Variants in CAMK2D observed in about 807,000 individuals in gnomAD.
CAMK2D encodes calcium/calmodulin dependent protein kinase II delta.
CAMK2D carries 37 observed loss-of-function variants against 84.0 expected under a neutral mutation model. The ratio of observed to expected loss-of-function variants is 0.44; its 90% CI spans 0.34 to 0.58. The LOEUF (loss-of-function observed/expected upper bound fraction) is 0.58, where lower values mean the gene tolerates loss of function less well. Ranked by LOEUF, CAMK2D falls within the 20% of genes least tolerant of loss-of-function variation. CAMK2D has a pLI of 0.02. For synonymous variants in CAMK2D, 202 were observed against 212.5 expected, an observed-to-expected ratio of 0.95 and a Z score of 0.43; for missense variants, 448 against 652.5, an observed-to-expected ratio of 0.69 and a Z score of 3.41.
At chr4:113,577,301 A>G (rs1448493756) in intron 4 of CAMK2D, among the ~76,000 whole-genome samples, 2 of 151,800 alleles carry the variant, frequency 1.3e-5, no homozygotes, top group Middle Eastern at 6.8e-3. Context: ...CTTTCGATAT[A>G]CAGATTCAAT....
intron 5 of CAMK2D, among the ~76,000 whole-genome samples, chr4:113,549,449 T>C (rs1196322669): frequency 6.6e-6 from 1 of 152,202 alleles, no homozygotes; most frequent in Non-Finnish European, 1.5e-5. Context: ...CCCACTTCCA[T>C]ACACTTCAGT....
chr4:113,630,790 G>A (rs1468249), intron 3 of CAMK2D, among the ~76,000 whole-genome samples: 1,550 of 152,216 alleles, frequency 0.01, 40 homozygotes, highest in African/African-American at 0.036. Context: ...TCTGTTAGAT[G>A]GGACAAGTCT....
chr4:113,660,325 T>C (rs1223376447), intron 3 of CAMK2D, among the ~76,000 whole-genome samples: 1 of 152,246 alleles, frequency 6.6e-6, no homozygotes, highest in Non-Finnish European at 1.5e-5. Context: ...AGTCATGCAA[T>C]TTTATAATTC....
chr4:113,589,103 G>A (rs1307613890), intron 4 of CAMK2D, among the ~76,000 whole-genome samples: 1 of 152,278 alleles, frequency 6.6e-6, no homozygotes, highest in African/African-American at 2.4e-5. Context: ...CCCAGGCTGT[G>A]AGGTAGGCAG....
At chr4:113,651,711 CTAT>C (rs2099173526) in intron 3 of CAMK2D, among the ~76,000 whole-genome samples, 1 of 152,054 alleles carries the variant, frequency 6.6e-6, no homozygotes, top group Non-Finnish European at 1.5e-5. Flanking sequence ...ATATTAATTA[CTAT>C]TGTTTCCTTA....
chr4:113,572,881 T>C (rs1228392011), intron 4 of CAMK2D, among the ~76,000 whole-genome samples: 1 of 152,170 alleles, frequency 6.6e-6, no homozygotes, highest in Non-Finnish European at 1.5e-5. Flanking sequence ...GACAAGATCA[T>C]GTCTTTTGTG....
intron 5 of CAMK2D, 73 bp from the exon 6 acceptor site, chr4:113,547,789 TG>T: frequency 2.2e-6 from 2 of 919,276 alleles, no homozygotes; most frequent in Non-Finnish European, 3.2e-6. Flanking sequence ...TCAGAGAGAC[TG>T]GGTTAAAGTG....
intron 2 of CAMK2D, among the ~76,000 whole-genome samples, chr4:113,676,039 A>C (rs1393445965): frequency 6.6e-6 from 1 of 152,198 alleles, no homozygotes; most frequent in Non-Finnish European, 1.5e-5. Context: ...TAGAAACTTT[A>C]TCTCTATCAT....
At chr4:113,731,549 T>C (rs1176428726) in intron 2 of CAMK2D, among the ~76,000 whole-genome samples, 1 of 151,776 alleles carries the variant, frequency 6.6e-6, no homozygotes, top group Non-Finnish European at 1.5e-5. Flanking sequence ...AAAAAACACT[T>C]CAAAGTATAA....
In CAMK2D at chr4:113,743,814, C is replaced by T. The variant is rs1260549933; in HGVS notation, c.160+15506G>A. 2.0e-5 allele frequency among the ~76,000 whole-genome samples: 3 copies of T among 152,036 alleles called. No individual in the cohort carries two copies. In the East Asian group the frequency reaches 5.8e-4, roughly 29 times the overall value. ...GACCTGAGGAATCCCTGAAATTACT[C>T]CCAATTCTCTTTTTCTCTTTTATCT... On this transcript the variant is annotated intron_variant, in intron 2 of 20. Transcript: ENST00000511664.
At chr4:113,459,517 G>C (rs2097345471) in intron 18 of CAMK2D, among the ~76,000 whole-genome samples, 1 of 152,056 alleles carries the variant, frequency 6.6e-6, no homozygotes, top group African/African-American at 2.4e-5. Flanking sequence ...GAGCCAGCGT[G>C]CCTGCCTAAT....
chr4:113,514,420 A>G (rs963746100), intron 10 of CAMK2D, among the ~76,000 whole-genome samples: 5 of 152,130 alleles, frequency 3.3e-5, no homozygotes, highest in African/African-American at 1.2e-4. Flanking sequence ...TCTCAAAACA[A>G]AACAAAACCA....
Position 113,574,601 on chromosome 4 carries a change from T to C in CAMK2D, c.276-22505A>G, listed in dbSNP as rs1249637067. ...CAAACTGAGATACTTCTTTTTCACT[T>C]TTAATGCCATGCAATCATTAAATGT... is the stretch of plus-strand genomic sequence containing the variant. On this transcript the variant is annotated intron_variant, in intron 4 of 20. Coordinates refer to ENST00000511664, the MANE Select transcript of CAMK2D (RefSeq NM_001321571.2). Among the ~76,000 whole-genome samples, 3 of 152,354 alleles carry C rather than the reference T, an allele frequency of 2.0e-5. No homozygotes were observed. The East Asian group carries it at 5.8e-4, about 29-fold the overall frequency.
intron 3 of CAMK2D, among the ~76,000 whole-genome samples, chr4:113,641,635 A>C (rs914116296): frequency 1.3e-5 from 2 of 152,216 alleles, no homozygotes; most frequent in African/African-American, 2.4e-5. Flanking sequence ...GTTTTCTAAA[A>C]CATTATCACT....
At chr4:113,670,900 C>T (rs2099278814) in intron 2 of CAMK2D, among the ~76,000 whole-genome samples, 1 of 152,024 alleles carries the variant, frequency 6.6e-6, no homozygotes, top group African/African-American at 2.4e-5. Flanking sequence ...TGCACTCCAG[C>T]CTGGGCAACA....
At chr4:113,726,901 C>T (rs2099547503) in intron 2 of CAMK2D, among the ~76,000 whole-genome samples, 1 of 152,064 alleles carries the variant, frequency 6.6e-6, no homozygotes, top group Admixed American at 6.6e-5. Context: ...TTTAACCGCT[C>T]CTCTTAATAT....
intron 2 of CAMK2D, among the ~76,000 whole-genome samples, chr4:113,740,629 T>C (rs1351014001): frequency 6.6e-6 from 1 of 152,106 alleles, no homozygotes; most frequent in Non-Finnish European, 1.5e-5. Flanking sequence ...CACCATTAGA[T>C]AGTTGGTTTG....
At chr4:113,555,015 TTGTTAC>T (rs1237394231) in intron 4 of CAMK2D, among the ~76,000 whole-genome samples, 2 of 152,158 alleles carry the variant, frequency 1.3e-5, no homozygotes, top group Admixed American at 1.3e-4. Flanking sequence ...AGATAAATAT[TTGTTAC>T]TGTTGTTATT....
intron 5 of CAMK2D, 61 bp downstream of exon 5, chr4:113,551,970 A>G: frequency 2.6e-6 from 2 of 771,148 alleles, no homozygotes; most frequent in Non-Finnish European, 4.3e-6. Context: ...GTAAAGAAAT[A>G]TGCTGAAAAA....
Sources: allele counts gnomAD v4.1 joint callset (sites outside exome capture counted in the v4.1 genomes callset), GRCh38; gene constraint gnomAD v4.1.1; transcripts MANE v1.5; gene names NCBI Gene and HGNC (gene_info 2026-07-23, HGNC 2026-07-21).